The following ZNF469 variants were observed in gnomAD, a reference collection of about 807,000 sequenced individuals.
The protein encoded by ZNF469 is zinc finger protein 469.
Under a neutral mutation model 1.0 loss-of-function variants are expected in ZNF469, and 1 was observed. The ratio of observed to expected loss-of-function variants is 1.00; its 90% CI spans 0.35 to 4.73. The LOEUF is 4.73. Among genes scored for constraint, ZNF469 ranks in the 30% most tolerant of loss-of-function variants. The pLI is 0.16. For missense variants in ZNF469, 6,100 were observed against 5,356.3 expected (o/e 1.14, Z -4.33); for synonymous variants, 2,703 against 2,363.4 (o/e 1.14, Z -4.17).
chr16:88,439,459 C>G lies in ZNF469; in HGVS notation c.*127C>G, dbSNP rs754617170. 3.8e-5 allele frequency: 40 copies of G among 1,049,956 alleles called. No individual in the cohort carries two copies. The Middle Eastern group carries it at 8.4e-4, about 22-fold the overall frequency. The allele number at this position is 1,049,956 out of a possible 1,614,324, so 65.0% of individuals were successfully genotyped here. A position where few individuals can be genotyped will look rare whatever the true frequency, so the allele number is the denominator to read the frequency against. ...TGACTTCTTGTGCAACTGCTCAGGC[C>G]TTGATGTCAGAGCTGAGGTGGTGAT... On this transcript the variant is annotated 3_prime_UTR_variant, in exon 3 of 3. Coordinates refer to ENST00000565624, the MANE Select transcript of ZNF469 (RefSeq NM_001367624.2).
chr16:88,268,651 C>T, the ZNF469 span, among the ~76,000 whole-genome samples: 5 of 152,336 alleles, frequency 3.3e-5, no homozygotes, highest in South Asian at 2.1e-4. Context: ...GCCAGCAGGA[C>T]GTGTGGCTGT....
Position 88,427,498 on chromosome 16 carries a change from C to T in ZNF469, c.28C>T (p.Pro10Ser). The change falls in exon 3 of 3, where the codon CCG becomes TCG. Residue 10 changes from proline to serine, a missense_variant. Coordinates refer to ENST00000565624, the MANE Select transcript of ZNF469 (RefSeq NM_001367624.2). MPGERPRGA[P>S]PPTMTGDLQP... ...GCCTGGGGAGCGCCCCCGAGGAGCG[C>T]CGCCCCCCACCATGACTGGAGACCT... 6.5e-7 allele frequency: 1 copy of T among 1,528,306 alleles called. No homozygotes were observed. Among genetic ancestry groups the T allele is most frequent in the Non-Finnish European group, 8.8e-7 (1 of 1,141,340 alleles). 94.7% of individuals were successfully genotyped at this position (1,528,306 alleles called of 1,614,324 possible).
chr16:88,177,253 C>T, the ZNF469 span: 3 of 151,932 alleles, frequency 2.0e-5, no homozygotes, highest in African/African-American at 4.9e-5. The surrounding 1 kb of genome is among the most constrained non-coding windows in gnomAD (Gnocchi z 4.8). Flanking sequence ...ATACACACCG[C>T]GGGCCTGACT....
rs1431619342 is a variant in ZNF469 at position 88,434,690 on chromosome 16, G to C, written c.7220G>C (p.Arg2407Thr). The C allele has an allele frequency of 6.5e-7, 1 of 1,550,280 alleles. No homozygotes were observed. Among genetic ancestry groups the C allele is most frequent in the African/African-American group, 1.4e-5 (1 of 73,052 alleles). ...CCTTCCACAGGACTGGGCTTGGGAA[G>C]AACCACAGCCCCAAGCAGCACAGCC... ...TCPSTGLGLG[R>T]TTAPSSTASD... Residue 2407 changes from arginine (R) to threonine (T), a missense_variant, in exon 3 of 3, where the codon AGA (arginine) becomes ACA (threonine). Physicochemically the swap from Arg to Thr is moderately conservative, Grantham distance 71. Transcript: ENST00000565624.
the ZNF469 span, among the ~76,000 whole-genome samples, chr16:88,361,851 G>T: frequency 2.2e-4 from 33 of 152,118 alleles, no homozygotes; most frequent in Admixed American, 2.2e-3. Context: ...TTAGGTCTGT[G>T]GTTCATCGTG....
chr16:88,413,779 C>T (rs1414462011), intron 1 of ZNF469, among the ~76,000 whole-genome samples: 1 of 152,104 alleles, frequency 6.6e-6, no homozygotes, highest in Non-Finnish European at 1.5e-5. Flanking sequence ...GGGCTCCGCG[C>T]CTCAGGGCCT....
At chr16:88,258,947 G>A in the ZNF469 span, among the ~76,000 whole-genome samples, 1 of 152,194 alleles carries the variant, frequency 6.6e-6, no homozygotes, top group African/African-American at 2.4e-5. Flanking sequence ...TGTCCGTGGG[G>A]TGGTAGAGAT....
At chr16:88,405,082 G>A (rs973629650) in intron 1 of ZNF469, among the ~76,000 whole-genome samples, 5 of 152,170 alleles carry the variant, frequency 3.3e-5, no homozygotes, top group African/African-American at 9.7e-5. Flanking sequence ...GGGGAGGGTA[G>A]CTCCACACAG....
At chr16:88,218,720 C>T in the ZNF469 span, among the ~76,000 whole-genome samples, 2 of 151,774 alleles carry the variant, frequency 1.3e-5, no homozygotes, top group Non-Finnish European at 2.9e-5. Context: ...GACAGGGATG[C>T]CCTCTCTCAC....
At chr16:88,417,348 C>G (rs374425001) in intron 1 of ZNF469, among the ~76,000 whole-genome samples, 78 of 152,344 alleles carry the variant, frequency 5.1e-4, no homozygotes, top group African/African-American at 1.7e-3. Flanking sequence ...GGCTGCTCGA[C>G]CGGCCAATGA....
the ZNF469 span, among the ~76,000 whole-genome samples, chr16:88,272,607 C>T: frequency 1.8e-4 from 27 of 149,660 alleles, 1 homozygote; most frequent in Middle Eastern, 7.0e-3. Context: ...TATGGATGGA[C>T]GAGTGGATAG....
intron 1 of ZNF469, among the ~76,000 whole-genome samples, chr16:88,385,630 G>C (rs1482452345): frequency 1.4e-5 from 2 of 138,336 alleles, no homozygotes; most frequent in Non-Finnish European, 3.1e-5. Flanking sequence ...GTGATAGAGT[G>C]AGACTCTGTC....
Position 88,433,895 on chromosome 16 carries a change from C to T in ZNF469, c.6425C>T (p.Ala2142Val), listed in dbSNP as rs1480193723. 6.5e-7 allele frequency: 1 copy of T among 1,548,818 alleles called. No individual in the cohort carries two copies. Among genetic ancestry groups the T allele is most frequent in the Non-Finnish European group, 8.7e-7 (1 of 1,146,028 alleles). Residue 2142 changes from alanine (A) to valine (V), a missense_variant, in exon 3 of 3, where the codon GCC (alanine) becomes GTC (valine). Transcript: ENST00000565624. ...REDPLTSPSR[A>V]QGGLGGQLPA... Reference sequence around the variant, plus strand: ...GACCCACTTACCTCGCCTTCCAGGGCCCAAGGTGGGCTGGGGGGGCAGCTG... The same window carrying T: ...GACCCACTTACCTCGCCTTCCAGGGTCCAAGGTGGGCTGGGGGGGCAGCTG...
chr16:88,178,085 C>T, the ZNF469 span: 1 of 152,268 alleles, frequency 6.6e-6, no homozygotes, highest in African/African-American at 2.4e-5. Context: ...ATCTCAGGCA[C>T]ATTTGACTTT....
Position 88,439,844 on chromosome 16 carries a change from G to C in ZNF469, c.*512G>C, listed in dbSNP as rs1202318864. On this transcript the variant is annotated 3_prime_UTR_variant, in exon 3 of 3. Transcript: ENST00000565624. ...GCAGTGCTCACTACTTAGAAGGGTT[G>C]CTTCTGAGCCGCCTGGTCCCCCAAG... is the stretch of plus-strand genomic sequence containing the variant. The C allele has an allele frequency of 4.9e-6, 1 of 202,622 alleles. No individual in the cohort carries two copies. Among genetic ancestry groups the C allele is most frequent in the African/African-American group, 2.4e-5 (1 of 42,314 alleles). 12.6% of individuals were successfully genotyped at this position (202,622 alleles called of 1,614,324 possible).
At chr16:88,185,846 T>C in the ZNF469 span, among the ~76,000 whole-genome samples, 1 of 143,946 alleles carries the variant, frequency 6.9e-6, no homozygotes, top group African/African-American at 2.6e-5. Context: ...CACACTCACA[T>C]TTGCACAGTC....
the ZNF469 span, among the ~76,000 whole-genome samples, chr16:88,164,952 G>A: frequency 2.6e-5 from 4 of 152,070 alleles, no homozygotes; most frequent in African/African-American, 9.7e-5. Context: ...GGTGTGCCCC[G>A]CCATGCCACG....
At chr16:88,402,940 C>G (rs1431295394) in intron 1 of ZNF469, among the ~76,000 whole-genome samples, 1 of 152,182 alleles carries the variant, frequency 6.6e-6, no homozygotes, top group African/African-American at 2.4e-5. Flanking sequence ...ACGCCGGGAA[C>G]AGGAACACCC....
In ZNF469 at chr16:88,431,063, C is replaced by G; in HGVS notation, c.3593C>G (p.Ala1198Gly). The change falls in exon 3 of 3, where the codon GCC (alanine) becomes GGC (glycine). Residue 1198 changes from alanine to glycine, a missense_variant. Physicochemically the swap from Ala to Gly is moderately conservative, Grantham distance 60. Transcript: ENST00000565624. ...GPKCADRPSV[A>G]PKDPLQVPTN... ...AAGTGTGCTGATCGCCCCTCAGTGG[C>G]CCCCAAGGATCCCCTGCAGGTCCCC... The G allele has an allele frequency of 6.5e-7, 1 of 1,549,094 alleles. No individual in the cohort carries two copies. The highest frequency in any genetic ancestry group is 8.7e-7 in the Non-Finnish European group (1 of 1,146,732).
Sources: gnomAD v4.1 joint callset for allele counts (sites outside exome capture counted in the v4.1 genomes callset) on GRCh38, gnomAD v4.1.1 for gene constraint, Gnocchi (gnomAD v3.1) non-coding constraint, MANE v1.5 for transcripts, NCBI Gene and HGNC (gene_info 2026-07-23, HGNC 2026-07-21) for gene names.